Variants in RBFOX1 observed in about 807,000 individuals in gnomAD.
RBFOX1 encodes RNA binding fox-1 homolog 1.
In RBFOX1, 8 loss-of-function variants were observed where a neutral mutation model predicts 57.7. The ratio of observed to expected loss-of-function variants is 0.14; its 90% CI spans 0.08 to 0.25. RBFOX1 has a LOEUF of 0.25. Ranked by LOEUF, RBFOX1 falls within the 10% of genes least tolerant of loss-of-function variation. RBFOX1 has a pLI of 1.00. For missense variants in RBFOX1, 611 were observed against 548.5 expected, an observed-to-expected ratio of 1.11 and a Z score of -1.14; for synonymous variants, 326 against 222.4, an observed-to-expected ratio of 1.47 and a Z score of -4.15.
At position 7,129,902 on chromosome 16, in the gene RBFOX1, AGAT is replaced by A. The variant is rs79875727; in HGVS notation, c.27+77808_27+77810del. Among the ~76,000 whole-genome samples the A allele has an allele frequency of 9.0e-3, 1,371 of 152,188 alleles. 9 individuals carry two copies. Among genetic ancestry groups the A allele is most frequent in the Non-Finnish European group, 0.015 (1,012 of 67,998 alleles). ...AAAAATAAGCAATGAATGACCCTCT[AGAT>A]GATAAGTGGAACCCTGCTTTGTTTT... On this transcript the variant is annotated intron_variant, in intron 4 of 15. Coordinates refer to ENST00000550418, the MANE Select transcript of RBFOX1 (RefSeq NM_018723.4).
At chr16:6,216,229 T>C (rs974812365) in intron 1 of RBFOX1, among the ~76,000 whole-genome samples, 1 of 152,052 alleles carries the variant, frequency 6.6e-6, no homozygotes, top group African/African-American at 2.4e-5. Flanking sequence ...CAACCCCCCA[T>C]GACACAAGTT....
chr16:6,592,912 G>T lies in RBFOX1; in HGVS notation c.-63-61691G>T, dbSNP rs568979846. Among the ~76,000 whole-genome samples the T allele has an allele frequency of 6.6e-5, 10 of 152,166 alleles. No homozygotes were observed. The South Asian group carries it at 2.1e-3, about 32-fold the overall frequency. On this transcript the variant is annotated intron_variant, in intron 2 of 15. Coordinates refer to ENST00000550418, the MANE Select transcript of RBFOX1 (RefSeq NM_018723.4). The stretch of plus-strand genomic sequence containing the variant: ...TATGCAGAGAGAGTGGAGATCATTG[G>T]CTGGGCACGGTGGCTCATGCCTGTA...
intron 3 of RBFOX1, among the ~76,000 whole-genome samples, chr16:5,657,753 G>C (rs2049498057): frequency 3.4e-5 from 2 of 59,638 alleles, no homozygotes; most frequent in Non-Finnish European, 3.6e-5. Context: ...TTTTTTTTGA[G>C]ACAGAATCTC....
intron 1 of RBFOX1, chr16:6,059,059 T>C (rs1412622953): frequency 2.0e-5 from 3 of 152,226 alleles, no homozygotes; most frequent in Non-Finnish European, 4.4e-5. Flanking sequence ...TGCACTACTA[T>C]TAATAGACTG....
chr16:6,173,685 C>G (rs916982025), intron 1 of RBFOX1, among the ~76,000 whole-genome samples: 2 of 144,314 alleles, frequency 1.4e-5, no homozygotes, highest in Admixed American at 7.1e-5. Context: ...TGTCAGCTCA[C>G]TGCAACCTCT....
At chr16:7,067,060 C>G (rs989574636) in intron 4 of RBFOX1, among the ~76,000 whole-genome samples, 3 of 152,140 alleles carry the variant, frequency 2.0e-5, no homozygotes, top group Admixed American at 6.6e-5. Flanking sequence ...ATAAGTTAAG[C>G]TGAAGGGACA....
intron 3 of RBFOX1, among the ~76,000 whole-genome samples, chr16:7,047,999 C>T (rs1046729733): frequency 2.0e-5 from 3 of 151,632 alleles, no homozygotes; most frequent in Non-Finnish European, 4.4e-5. Context: ...CTGTCTCAGC[C>T]GTCTGAGTAG....
chr16:6,050,865 G>T (rs1596707668), intron 1 of RBFOX1, among the ~76,000 whole-genome samples: 2 of 151,616 alleles, frequency 1.3e-5, no homozygotes, highest in East Asian at 3.9e-4. Context: ...CAAATGCAGG[G>T]ATGGAAGTTA....
intron 2 of RBFOX1, 102 bp from the exon 3 acceptor site, chr16:6,654,501 A>T: frequency 1.1e-6 from 1 of 910,086 alleles, no homozygotes; most frequent in South Asian, 1.7e-5. Context: ...TGAGCTCTTT[A>T]TTATTTTAAA....
intron 1 of RBFOX1, chr16:5,270,319 C>T (rs973263454): frequency 3.2e-5 from 23 of 712,744 alleles, no homozygotes; most frequent in African/African-American, 8.7e-5. Context: ...AAGACTTGGT[C>T]ACCAGGACCC....
In RBFOX1 at chr16:7,024,027, G is replaced by C. The variant is rs546633997; in HGVS notation, c.-15-28030G>C. ...TATATCCTCCTGATAACCGTATGTT[G>C]AAAAAGGATTTAAGAGGAAGGTCAT... On this transcript the variant is annotated intron_variant, in intron 3 of 15. Transcript: ENST00000550418. 6.0e-3 allele frequency among the ~76,000 whole-genome samples: 916 copies of C among 152,178 alleles called. 10 individuals are homozygous for C. The highest frequency in any genetic ancestry group is 0.021 in the African/African-American group (878 of 41,536).
intron 3 of RBFOX1, among the ~76,000 whole-genome samples, chr16:7,036,989 C>T (rs370014415): frequency 2.6e-4 from 39 of 152,190 alleles, no homozygotes; most frequent in South Asian, 2.1e-3. Context: ...AACTTCCTGA[C>T]GTTGCCATGG....
chr16:7,461,449 A>T (rs775418693), intron 4 of RBFOX1, among the ~76,000 whole-genome samples: 3 of 152,194 alleles, frequency 2.0e-5, no homozygotes, highest in Non-Finnish European at 4.4e-5. Context: ...TACAGGCATG[A>T]GTCACTGTGC....
chr16:6,578,612 T>TGTGCGTGTGTGTGTGTGG (rs373655762), intron 2 of RBFOX1, among the ~76,000 whole-genome samples: 1 of 147,004 alleles, frequency 6.8e-6, no homozygotes, highest in African/African-American at 2.5e-5. Flanking sequence ...TGTGTGTGTG[T>TGTGCGTGTGTGTGTGTGG]GAGCATGGGA....
chr16:5,835,842 C>G (rs908271703), intron 3 of RBFOX1, among the ~76,000 whole-genome samples: 1 of 152,180 alleles, frequency 6.6e-6, no homozygotes, highest in African/African-American at 2.4e-5. Flanking sequence ...CTTGGAGGAA[C>G]CATGCCCACA....
In RBFOX1 at chr16:7,347,581, T is replaced by C. The variant is rs547086620; in HGVS notation, c.28-170566T>C. On this transcript the variant is annotated intron_variant, in intron 4 of 15. Transcript: ENST00000550418. ...GATATCAAGTGGACACCTGGAATTATCGAGCATTATCCAGAATTATCAGTC... is the reference window on the plus strand; with the variant it reads ...GATATCAAGTGGACACCTGGAATTACCGAGCATTATCCAGAATTATCAGTC... Among the ~76,000 whole-genome samples, 4 of 152,234 alleles carry C rather than the reference T, an allele frequency of 2.6e-5. No homozygotes were observed. The South Asian group carries it at 6.2e-4, about 24-fold the overall frequency.
chr16:7,343,353 C>T (rs1385553773), intron 4 of RBFOX1, among the ~76,000 whole-genome samples: 1 of 152,102 alleles, frequency 6.6e-6, no homozygotes, highest in African/African-American at 2.4e-5. Context: ...AAGGGAGGAG[C>T]ATGGGACTCC....
intron 2 of RBFOX1, among the ~76,000 whole-genome samples, chr16:6,435,705 A>G (rs951887127): frequency 6.6e-6 from 1 of 152,172 alleles, no homozygotes; most frequent in Non-Finnish European, 1.5e-5. Flanking sequence ...ACCTATAATC[A>G]CTGCATCTAA....
At chr16:6,542,140 C>T (rs12447574) in intron 2 of RBFOX1, among the ~76,000 whole-genome samples, 61,809 of 151,864 alleles carry the variant, frequency 0.41, 13,913 homozygotes, top group Non-Finnish European at 0.51. Flanking sequence ...TGCCCAGCCT[C>T]GTCTCAAACT....
Sources: gnomAD v4.1 joint callset for allele counts (sites outside exome capture counted in the v4.1 genomes callset) on GRCh38, gnomAD v4.1.1 for gene constraint, MANE v1.5 for transcripts, NCBI Gene and HGNC (gene_info 2026-07-23, HGNC 2026-07-21) for gene names.